The following HS6ST2 variants were observed in gnomAD, a reference collection of about 807,000 sequenced individuals.
HS6ST2 encodes heparan-sulfate 6-O-sulfotransferase 2.
Under a neutral mutation model 33.0 loss-of-function variants are expected in HS6ST2, and 17 were observed. That is an observed-to-expected ratio of 0.52 (90% confidence interval 0.35 to 0.77). The LOEUF is 0.77. Among genes scored for constraint, HS6ST2 ranks in the 30% least tolerant of loss-of-function variants. The pLI is 0.01. For missense variants in HS6ST2, 519 were observed against 551.7 expected, an observed-to-expected ratio of 0.94 and a Z score of 0.59; for synonymous variants, 248 against 237.1, an observed-to-expected ratio of 1.05 and a Z score of -0.42.
intron 2 of HS6ST2, among the ~76,000 whole-genome samples, chrX:132,857,224 G>T (rs187222636): frequency 4.8e-4 from 54 of 112,314 alleles, no homozygotes; most frequent in Non-Finnish European, 7.7e-4. Flanking sequence ...GGTGGCTCAC[G>T]CCTGTAATCC....
intron 2 of HS6ST2, among the ~76,000 whole-genome samples, chrX:132,749,025 G>A (rs1030211100): frequency 6.3e-5 from 7 of 111,566 alleles, no homozygotes; most frequent in African/African-American, 2.3e-4. Context: ...GCAAATGCAT[G>A]CATGCCATTG....
intron 4 of HS6ST2, among the ~76,000 whole-genome samples, chrX:132,666,730 T>C (rs2063812900): frequency 8.9e-6 from 1 of 112,008 alleles, no homozygotes; most frequent in South Asian, 3.8e-4. Context: ...GAAGACTGAA[T>C]TTCTTTTCAG....
chrX:132,741,501 C>T (rs758665471), intron 2 of HS6ST2, among the ~76,000 whole-genome samples: 2 of 110,239 alleles, frequency 1.8e-5, no homozygotes, highest in East Asian at 2.9e-4. Context: ...AGGCTGGTCT[C>T]GAACTCCTGA....
chrX:132,819,033 T>G (rs774604229), intron 2 of HS6ST2, among the ~76,000 whole-genome samples: 3 of 111,360 alleles, frequency 2.7e-5, no homozygotes, highest in Non-Finnish European at 5.6e-5. Flanking sequence ...CTGCATTAAT[T>G]TTTATGTTTT....
intron 4 of HS6ST2, chrX:132,668,258 T>A (rs1011098147): frequency 1.8e-5 from 2 of 111,737 alleles, no homozygotes; most frequent in Non-Finnish European, 3.8e-5. Context: ...TGAAGGTATC[T>A]TTCATTTTCT....
chrX:132,900,091 ATT>A (rs2066413971), intron 2 of HS6ST2, among the ~76,000 whole-genome samples: 1 of 111,777 alleles, frequency 8.9e-6, no homozygotes, highest in African/African-American at 3.2e-5. Flanking sequence ...AAGTTGCTGC[ATT>A]TTCTTATTAG....
chrX:132,779,501 GT>G (rs763319831), intron 2 of HS6ST2, among the ~76,000 whole-genome samples: 6 of 106,667 alleles, frequency 5.6e-5, no homozygotes, highest in African/African-American at 6.8e-5. Flanking sequence ...AACCTCTATA[GT>G]TTTTTTTTTA....
intron 4 of HS6ST2, among the ~76,000 whole-genome samples, chrX:132,650,668 T>C (rs1162404863): frequency 9.1e-6 from 1 of 109,378 alleles, no homozygotes; most frequent in African/African-American, 3.3e-5. Context: ...ATAATATGGC[T>C]TTCACACCCC....
intron 3 of HS6ST2, among the ~76,000 whole-genome samples, chrX:132,671,356 T>A (rs2063875595): frequency 9.0e-6 from 1 of 111,075 alleles, no homozygotes; most frequent in African/African-American, 3.3e-5. Flanking sequence ...GTTTTTGATG[T>A]GTCTCATGCA....
intron 2 of HS6ST2, among the ~76,000 whole-genome samples, chrX:132,826,347 C>T (rs994729886): frequency 3.6e-5 from 4 of 111,330 alleles, no homozygotes; most frequent in Non-Finnish European, 7.5e-5. Flanking sequence ...CCAGTAGCCA[C>T]ATATAGCTCT....
chrX:132,721,278 T>G (rs1055323392), intron 2 of HS6ST2, among the ~76,000 whole-genome samples: 2 of 111,687 alleles, frequency 1.8e-5, no homozygotes, highest in African/African-American at 3.3e-5. Context: ...ATGAGAAGAA[T>G]TTGGGGAACT....
intron 2 of HS6ST2, among the ~76,000 whole-genome samples, chrX:132,948,754 G>A (rs1441071844): frequency 1.8e-5 from 2 of 112,244 alleles, no homozygotes; most frequent in Admixed American, 9.5e-5. Context: ...GAGGACATAC[G>A]CCATTAAGTG....
chrX:132,746,696 C>G (rs1190400938), intron 2 of HS6ST2, among the ~76,000 whole-genome samples: 2 of 111,646 alleles, frequency 1.8e-5, no homozygotes, highest in Non-Finnish European at 3.8e-5. Flanking sequence ...GCCTTTCAGT[C>G]TAACTGAAAT....
Position 132,945,058 on chromosome X carries a change from T to A in HS6ST2, c.947+11750A>T, listed in dbSNP as rs1443474990. 3.6e-5 allele frequency among the ~76,000 whole-genome samples: 4 copies of A among 111,029 alleles called. No individual in the cohort carries two copies. The Admixed American group carries it at 3.8e-4, about 11-fold the overall frequency. On this transcript the variant is annotated intron_variant, in intron 2 of 4. Coordinates refer to ENST00000370833, the MANE Select transcript of HS6ST2 (RefSeq NM_001394073.1). The stretch of plus-strand genomic sequence containing the variant: ...ACAGCAAAAGAAACTACCATCAGAG[T>A]GAACAGGCAACCTACAGAATGGGGG...
At chrX:132,769,361 T>C (rs1165401448) in intron 2 of HS6ST2, among the ~76,000 whole-genome samples, 2 of 112,131 alleles carry the variant, frequency 1.8e-5, no homozygotes, top group Admixed American at 9.5e-5. Context: ...GAACAGTTAA[T>C]TTGTCCTCAT....
At chrX:132,792,399 C>T in intron 2 of HS6ST2, among the ~76,000 whole-genome samples, 1 of 112,122 alleles carries the variant, frequency 8.9e-6, no homozygotes, top group Non-Finnish European at 1.9e-5. Flanking sequence ...AGTTAGGAGC[C>T]AAAACTAAGG....
chrX:132,815,715 G>T (rs1186042829), intron 2 of HS6ST2, among the ~76,000 whole-genome samples: 3 of 111,340 alleles, frequency 2.7e-5, no homozygotes, highest in Non-Finnish European at 5.6e-5. Flanking sequence ...AACATTCTAC[G>T]ATGCTATGAT....
intron 2 of HS6ST2, among the ~76,000 whole-genome samples, chrX:132,895,440 T>C (rs2066364643): frequency 9.0e-6 from 1 of 111,467 alleles, no homozygotes; most frequent in African/African-American, 3.3e-5. Flanking sequence ...TAAGGTACAA[T>C]GTATATAATG....
intron 2 of HS6ST2, among the ~76,000 whole-genome samples, chrX:132,856,290 T>C (rs1257225584): frequency 8.9e-6 from 1 of 112,271 alleles, no homozygotes; most frequent in East Asian, 2.8e-4. Flanking sequence ...ATTATAATTG[T>C]TCTATTTTAT....
Sources: gnomAD v4.1 joint callset for allele counts (sites outside exome capture counted in the v4.1 genomes callset) on GRCh38, gnomAD v4.1.1 for gene constraint, MANE v1.5 for transcripts, NCBI Gene and HGNC (gene_info 2026-07-23, HGNC 2026-07-21) for gene names.